WDR70: variants seen among roughly 807,000 people sequenced by gnomAD.
The protein encoded by WDR70 is WD repeat-containing protein 70.
In WDR70, 53 loss-of-function variants were observed where a neutral mutation model predicts 88.6. That is an observed-to-expected ratio of 0.60 (90% CI 0.48 to 0.75). WDR70 has a LOEUF of 0.75. Among genes scored for constraint, WDR70 ranks in the 30% least tolerant of loss-of-function variants. The probability of loss-of-function intolerance (pLI) is 0.00; values close to 1 mark genes in which losing one functional copy is unlikely to be tolerated. For synonymous variants in WDR70, 280 were observed against 270.0 expected, an observed-to-expected ratio of 1.04 and a Z score of -0.36; for missense variants, 610 against 823.2, an observed-to-expected ratio of 0.74 and a Z score of 3.17.
intron 10 of WDR70, among the ~76,000 whole-genome samples, chr5:37,683,354 G>T (rs554684873): frequency 4.6e-5 from 7 of 152,172 alleles, no homozygotes; most frequent in African/African-American, 1.7e-4. Context: ...TTCAAGATTA[G>T]TATCAAAGTT....
chr5:37,531,587 C>CTTTTTT (rs149831770), intron 9 of WDR70, among the ~76,000 whole-genome samples: 18 of 77,734 alleles, frequency 2.3e-4, no homozygotes, highest in East Asian at 3.5e-4. Flanking sequence ...TAAAGTTTTT[C>CTTTTTT]TTTTTTTTTT....
intron 8 of WDR70, among the ~76,000 whole-genome samples, chr5:37,489,384 A>C (rs1739993428): frequency 6.6e-6 from 1 of 152,058 alleles, no homozygotes; most frequent in South Asian, 2.1e-4. Flanking sequence ...GCAGGGCAAC[A>C]CCTGGGCTTC....
chr5:37,731,808 C>T (rs557468459), intron 17 of WDR70, among the ~76,000 whole-genome samples: 43 of 152,150 alleles, frequency 2.8e-4, no homozygotes, highest in African/African-American at 9.6e-4. Flanking sequence ...ATATTAGCAA[C>T]GTATAATATA....
intron 8 of WDR70, among the ~76,000 whole-genome samples, chr5:37,499,672 C>T (rs1186960428): frequency 1.3e-5 from 2 of 149,940 alleles, no homozygotes; most frequent in African/African-American, 4.9e-5. Flanking sequence ...CTCAAACGAT[C>T]CTCCCACCTC....
At chr5:37,392,864 C>A (rs1207689466) in intron 4 of WDR70, among the ~76,000 whole-genome samples, 1 of 151,908 alleles carries the variant, frequency 6.6e-6, no homozygotes, top group East Asian at 1.9e-4. Flanking sequence ...TCAGGCTGGT[C>A]TCCAACTCCT....
At chr5:37,728,351 AAAAAAAAAAAAAC>A (rs1167930248) in intron 17 of WDR70, among the ~76,000 whole-genome samples, 42 of 67,692 alleles carry the variant, frequency 6.2e-4, no homozygotes, top group African/African-American at 1.6e-3. Context: ...TTGCCTCCAA[AAAAAAAAAAAAAC>A]AAAAAAAAAA....
chr5:37,692,769 G>A (rs878949971), intron 10 of WDR70, among the ~76,000 whole-genome samples: 1 of 152,030 alleles, frequency 6.6e-6, no homozygotes, highest in Non-Finnish European at 1.5e-5. Flanking sequence ...ATACTGAATG[G>A]GCAAAAACTG....
intron 7 of WDR70, among the ~76,000 whole-genome samples, chr5:37,468,091 C>A (rs1032423637): frequency 5.3e-5 from 8 of 151,470 alleles, no homozygotes; most frequent in Admixed American, 4.6e-4. Flanking sequence ...CCTTGTGATT[C>A]ACCCGCCTCG....
chr5:37,391,914 T>C (rs1748831772), intron 3 of WDR70, 86 bp from the exon 4 acceptor site: 1 of 1,413,770 alleles, frequency 7.1e-7, no homozygotes, highest in Non-Finnish European at 9.5e-7. Context: ...TTTGTGACTA[T>C]GTTAATTTTT....
At chr5:37,598,006 T>TA (rs1217781544) in intron 9 of WDR70, among the ~76,000 whole-genome samples, 1 of 152,236 alleles carries the variant, frequency 6.6e-6, no homozygotes, top group Non-Finnish European at 1.5e-5. Flanking sequence ...TAGTGTGAGG[T>TA]ATGACTCAAA....
At chr5:37,701,740 TGC>T (rs1405062987) in intron 12 of WDR70, among the ~76,000 whole-genome samples, 3 of 146,184 alleles carry the variant, frequency 2.1e-5, no homozygotes, top group African/African-American at 7.7e-5. Flanking sequence ...GAGCCAAGAT[TGC>T]GCCACTGCAC....
At chr5:37,686,873 G>A (rs1357954265) in intron 10 of WDR70, among the ~76,000 whole-genome samples, 1 of 148,742 alleles carries the variant, frequency 6.7e-6, no homozygotes, top group Non-Finnish European at 1.5e-5. Context: ...ATAGTGTAAG[G>A]CACACCTAAG....
At chr5:37,457,100 A>G (rs1172358594) in intron 7 of WDR70, among the ~76,000 whole-genome samples, 1 of 152,046 alleles carries the variant, frequency 6.6e-6, no homozygotes, top group Non-Finnish European at 1.5e-5. Context: ...CACTTTGATA[A>G]TGTCTTTTTT....
chr5:37,431,182 G>A, intron 5 of WDR70, among the ~76,000 whole-genome samples: 1 of 152,080 alleles, frequency 6.6e-6, no homozygotes, highest in East Asian at 1.9e-4. Flanking sequence ...GACTGTCATC[G>A]GATTGCAAGA....
intron 9 of WDR70, among the ~76,000 whole-genome samples, chr5:37,547,077 A>T (rs1742022057): frequency 6.6e-6 from 1 of 152,230 alleles, no homozygotes; most frequent in Non-Finnish European, 1.5e-5. Flanking sequence ...CAGGCAAGGT[A>T]GCATCAAGGA....
At position 37,701,062 on chromosome 5, in the gene WDR70, C is replaced by T. The variant is rs61741266; in HGVS notation, c.1197C>T (p.Asp399=). ...TTCCCCTCATTCCTCTGTCAGGTGA[C>T]GATTCATTAAAATTATGGGACATCC... ...DGNVLASRGG[D]DSLKLWDIRQ... The change falls in exon 12 of 18, where the codon GAC becomes GAT. Residue 399 remains aspartate (D), a synonymous_variant. Transcript: ENST00000265107. 2.0e-3 allele frequency: 3,280 copies of T among 1,605,966 alleles called. 74 individuals are homozygous for T. The African/African-American group carries it at 0.037, about 18-fold the overall frequency.
At chr5:37,604,697 T>C (rs1743980240) in intron 9 of WDR70, among the ~76,000 whole-genome samples, 1 of 152,220 alleles carries the variant, frequency 6.6e-6, no homozygotes, top group South Asian at 2.1e-4. Context: ...TGTAAGTGAT[T>C]TACAAATACC....
chr5:37,436,511 C>T (rs1306477346), intron 5 of WDR70, among the ~76,000 whole-genome samples: 4 of 152,062 alleles, frequency 2.6e-5, no homozygotes, highest in African/African-American at 4.8e-5. Flanking sequence ...GTTGAAAGTT[C>T]GTGTATGTAG....
chr5:37,380,937 C>G (rs1748406403), intron 2 of WDR70, among the ~76,000 whole-genome samples: 1 of 152,150 alleles, frequency 6.6e-6, no homozygotes, highest in Admixed American at 6.5e-5. Flanking sequence ...CCACCCCACC[C>G]GGTATAAATC....
Sources: gnomAD v4.1 joint callset for allele counts (sites outside exome capture counted in the v4.1 genomes callset) on GRCh38, gnomAD v4.1.1 for gene constraint, MANE v1.5 for transcripts, NCBI Gene and HGNC (gene_info 2026-07-23, HGNC 2026-07-21) for gene names.